Variants in KCNJ6 observed in about 807,000 individuals in gnomAD.
The protein encoded by KCNJ6 is G protein-activated inward rectifier potassium channel 2.
In KCNJ6, 9 loss-of-function variants were observed where a neutral mutation model predicts 34.2. The ratio of observed to expected loss-of-function variants is 0.26; its 90% CI spans 0.16 to 0.46. KCNJ6 has a LOEUF of 0.46. Ranked by LOEUF, KCNJ6 falls within the 20% of genes least tolerant of loss-of-function variation. KCNJ6 has a pLI of 1.00. For synonymous variants in KCNJ6, 196 were observed against 207.1 expected, an observed-to-expected ratio of 0.95 and a Z score of 0.46; for missense variants, 236 against 531.3, an observed-to-expected ratio of 0.44 and a Z score of 5.46.
chr21:37,799,328 C>T (rs2055258370), intron 2 of KCNJ6, among the ~76,000 whole-genome samples: 1 of 152,190 alleles, frequency 6.6e-6, no homozygotes, highest in Non-Finnish European at 1.5e-5. Flanking sequence ...TCACCCAACA[C>T]ATGTAGGCTC....
intron 2 of KCNJ6, among the ~76,000 whole-genome samples, chr21:37,751,435 C>T (rs2054994859): frequency 6.6e-6 from 1 of 152,194 alleles, no homozygotes; most frequent in Admixed American, 6.5e-5. Context: ...GGAGGTGGGA[C>T]GCTTATTGTT....
chr21:37,632,885 T>G (rs2054340117), intron 3 of KCNJ6, among the ~76,000 whole-genome samples: 1 of 152,040 alleles, frequency 6.6e-6, no homozygotes. Context: ...GCCCAGACAA[T>G]CTTAAAGATG....
intron 2 of KCNJ6, among the ~76,000 whole-genome samples, chr21:37,728,815 TG>T (rs1220708200): frequency 6.6e-6 from 1 of 152,214 alleles, no homozygotes; most frequent in Non-Finnish European, 1.5e-5. Context: ...TAGTTACAAG[TG>T]GAACCAGAAG....
At position 37,747,782 on chromosome 21, in the gene KCNJ6, G is replaced by A. The variant is rs78048615; in HGVS notation, c.26-32651C>T. 4.1e-3 allele frequency among the ~76,000 whole-genome samples: 627 copies of A among 152,360 alleles called. 4 individuals carry two copies. Among genetic ancestry groups the A allele is most frequent in the African/African-American group, 0.013 (559 of 41,584 alleles). On this transcript the variant is annotated intron_variant, in intron 2 of 3. Coordinates refer to ENST00000609713, the MANE Select transcript of KCNJ6 (RefSeq NM_002240.5). ...AAGGAAACAGATTCTCCCCTGGAAG[G>A]TGCAGCAGTAATGCAGTCCTGCTGA...
intron 3 of KCNJ6, among the ~76,000 whole-genome samples, chr21:37,705,949 A>C (rs1387627693): frequency 5.6e-3 from 1 of 180 alleles, no homozygotes; most frequent in Non-Finnish European, 0.011. Flanking sequence ...ACCCAACATA[A>C]GGTTATTTCC....
intron 2 of KCNJ6, among the ~76,000 whole-genome samples, chr21:37,831,442 G>C (rs1318149852): frequency 6.6e-6 from 1 of 152,190 alleles, no homozygotes; most frequent in Non-Finnish European, 1.5e-5. Context: ...TCACTCCCCT[G>C]GTCCTGCAGG....
At chr21:37,844,429 T>C (rs987146971) in intron 1 of KCNJ6, among the ~76,000 whole-genome samples, 1 of 152,162 alleles carries the variant, frequency 6.6e-6, no homozygotes, top group African/African-American at 2.4e-5. Context: ...TGCCTCCACC[T>C]GCTTGGAGCC....
At chr21:37,761,049 C>T (rs965709851) in intron 2 of KCNJ6, among the ~76,000 whole-genome samples, 3 of 152,242 alleles carry the variant, frequency 2.0e-5, no homozygotes, top group African/African-American at 7.2e-5. Context: ...GGAAACTGGG[C>T]AGGGAAGCCT....
chr21:37,686,997 C>T (rs1309879887), intron 3 of KCNJ6, among the ~76,000 whole-genome samples: 2 of 152,098 alleles, frequency 1.3e-5, no homozygotes, highest in Admixed American at 1.3e-4. Context: ...TTCTGCTGAA[C>T]GAAGCTAATT....
chr21:37,712,574 T>TCCTTCCTCCCTTTC (rs1569450133), intron 3 of KCNJ6, among the ~76,000 whole-genome samples: 1 of 79,614 alleles, frequency 1.3e-5, no homozygotes, highest in African/African-American at 5.5e-5. Flanking sequence ...TCTCCTCCTC[T>TCCTTCCTCCCTTTC]TCTTCCTCCC....
intron 3 of KCNJ6, among the ~76,000 whole-genome samples, chr21:37,666,300 C>A (rs986395025): frequency 7.9e-5 from 12 of 152,142 alleles, no homozygotes; most frequent in Admixed American, 6.5e-4. Flanking sequence ...CCCTGGGATT[C>A]CTCAGGCTGA....
chr21:37,883,232 TC>T (rs1483328373), intron 1 of KCNJ6, among the ~76,000 whole-genome samples: 4 of 152,222 alleles, frequency 2.6e-5, no homozygotes, highest in African/African-American at 9.6e-5. Flanking sequence ...TAAACTCTTT[TC>T]TAGAAAGGGC....
intron 2 of KCNJ6, among the ~76,000 whole-genome samples, chr21:37,794,692 A>C (rs1270735850): frequency 1.3e-5 from 2 of 152,142 alleles, no homozygotes; most frequent in Admixed American, 6.5e-5. Flanking sequence ...ACACTTGGAC[A>C]CAGGGAGGGG....
intron 3 of KCNJ6, among the ~76,000 whole-genome samples, chr21:37,705,834 A>G (rs1166009612): frequency 6.6e-6 from 1 of 152,268 alleles, no homozygotes; most frequent in African/African-American, 2.4e-5. Context: ...TATGCTTGGC[A>G]GTATACAATG....
chr21:37,854,398 C>A (rs961759492), intron 1 of KCNJ6, among the ~76,000 whole-genome samples: 1 of 151,518 alleles, frequency 6.6e-6, no homozygotes, highest in African/African-American at 2.4e-5. Context: ...GTAAGCCAGG[C>A]GCAGAAAGAA....
intron 2 of KCNJ6, among the ~76,000 whole-genome samples, chr21:37,763,576 G>A (rs2055076679): frequency 6.6e-6 from 1 of 152,158 alleles, no homozygotes; most frequent in Non-Finnish European, 1.5e-5. Context: ...GGCCCTCTCA[G>A]TGACTGTGTG....
rs2054274813 is a variant in KCNJ6, at chr21:37,617,169, T to TTCCTTCC, written c.*7989_*7990insGGAAGGA. On this transcript the variant is annotated 3_prime_UTR_variant, in exon 4 of 4. Transcript: ENST00000609713. ...CTTCCTTCCTTCTTTCTTTATCTTTTTTCCTTCCTTCCTTCCTTCCTTCCT... is the reference window on the plus strand; with the variant it reads ...CTTCCTTCCTTCTTTCTTTATCTTTTTCCTTCCTTCCTTCCTTCCTTCCTTCCTTCCT... 31 of 93,876 alleles carry TTCCTTCC rather than the reference T, an allele frequency of 3.3e-4. 2 individuals carry two copies. Among genetic ancestry groups the TTCCTTCC allele is most frequent in the African/African-American group, 1.4e-3 (31 of 22,402 alleles). The allele number at this position is 93,876 out of a possible 1,614,324, so 5.8% of individuals were successfully genotyped here.
intron 3 of KCNJ6, among the ~76,000 whole-genome samples, chr21:37,654,632 G>A (rs889685335): frequency 6.6e-6 from 1 of 152,112 alleles, no homozygotes; most frequent in African/African-American, 2.4e-5. Flanking sequence ...TGTCTCCGTT[G>A]AGCTTCTCAA....
At position 37,675,610 on chromosome 21, in the gene KCNJ6, G is replaced by A. The variant is rs899936302; in HGVS notation, c.946+38601C>T. 1.3e-5 allele frequency among the ~76,000 whole-genome samples: 2 copies of A among 152,230 alleles called. No homozygotes were observed. Among genetic ancestry groups the A allele is most frequent in the East Asian group, 1.9e-4 (1 of 5,192 alleles). On this transcript the variant is annotated intron_variant, in intron 3 of 3. Transcript: ENST00000609713. The surrounding 1 kb of genome is among the most constrained non-coding windows in gnomAD (Gnocchi z 4.2). ...CGCCCTGCCCTGAGCGGAATTCTCC[G>A]GCCCCAGGAGAGGCCGTGTGGCCAT...
Sources: allele counts gnomAD v4.1 joint callset (sites outside exome capture counted in the v4.1 genomes callset), GRCh38; gene constraint gnomAD v4.1.1; non-coding constraint Gnocchi (gnomAD v3.1); transcripts MANE v1.5; gene names NCBI Gene and HGNC (gene_info 2026-07-23, HGNC 2026-07-21).